Variants in OR6N1 observed in about 807,000 individuals in gnomAD.
OR6N1 encodes olfactory receptor family 6 subfamily N member 1, also known as olfactory receptor 6N1.
For synonymous variants in OR6N1, 170 were observed against 150.7 expected (o/e 1.13, Z -0.94); for missense variants, 394 against 371.7 (o/e 1.06, Z -0.49).
At chr1:158,837,272 G>C in the OR6N1 span, among the ~76,000 whole-genome samples, 6 of 151,646 alleles carry the variant, frequency 4.0e-5, no homozygotes, top group Non-Finnish European at 4.4e-5. Context: ...ATTTTCTTCT[G>C]TCAGATTGTT....
the OR6N1 span, among the ~76,000 whole-genome samples, chr1:158,817,383 C>T: frequency 6.6e-6 from 1 of 152,174 alleles, no homozygotes; most frequent in Non-Finnish European, 1.5e-5. Context: ...TGAACTAAAT[C>T]ATCTCAGAAG....
the OR6N1 span, chr1:158,777,204 C>T: frequency 6.2e-7 from 1 of 1,614,016 alleles, no homozygotes. Context: ...AAGCAGCAGC[C>T]ATCTTGGCAC....
At chr1:158,779,390 G>A in the OR6N1 span, among the ~76,000 whole-genome samples, 1 of 152,080 alleles carries the variant, frequency 6.6e-6, no homozygotes, top group Non-Finnish European at 1.5e-5. Flanking sequence ...CACAATGGCT[G>A]TCACATTAAA....
chr1:158,828,535 T>C, the OR6N1 span, among the ~76,000 whole-genome samples: 1 of 152,200 alleles, frequency 6.6e-6, no homozygotes, highest in South Asian at 2.1e-4. Flanking sequence ...AAGAGGTAGG[T>C]TCCCATAGTC....
At chr1:158,786,485 C>T in the OR6N1 span, among the ~76,000 whole-genome samples, 8,286 of 152,120 alleles carry the variant, frequency 0.054, 271 homozygotes, top group East Asian at 0.14. Context: ...TCCAGCAATC[C>T]CAGTTCTGGG....
the OR6N1 span, among the ~76,000 whole-genome samples, chr1:158,789,239 C>T: frequency 2.0e-5 from 3 of 152,160 alleles, no homozygotes; most frequent in Non-Finnish European, 4.4e-5. Context: ...TCTTAATCCA[C>T]TTATCCACAG....
At chr1:158,783,864 T>G in the OR6N1 span, among the ~76,000 whole-genome samples, 1 of 152,156 alleles carries the variant, frequency 6.6e-6, no homozygotes, top group Non-Finnish European at 1.5e-5. Context: ...CCTAGCACTT[T>G]GGGATGCCAA....
chr1:158,794,291 C>T, the OR6N1 span, among the ~76,000 whole-genome samples: 9 of 152,204 alleles, frequency 5.9e-5, no homozygotes, highest in African/African-American at 1.9e-4. Flanking sequence ...CATTCCCCAA[C>T]TAGCCCAGCA....
chr1:158,787,639 A>T, the OR6N1 span, among the ~76,000 whole-genome samples: 25,105 of 117,338 alleles, frequency 0.21, 2,623 homozygotes, highest in African/African-American at 0.43. Context: ...TCTCTCTCAC[A>T]CACACACACA....
At chr1:158,828,603 A>G in the OR6N1 span, among the ~76,000 whole-genome samples, 1 of 152,300 alleles carries the variant, frequency 6.6e-6, no homozygotes, top group East Asian at 1.9e-4. Context: ...GACTGCCTTC[A>G]CAGGCTGGCA....
the OR6N1 span, among the ~76,000 whole-genome samples, chr1:158,833,107 C>G: frequency 3.3e-5 from 5 of 152,100 alleles, no homozygotes; most frequent in African/African-American, 1.2e-4. Context: ...TCATATAGTT[C>G]CTGTTTTCTT....
chr1:158,790,932 G>T, the OR6N1 span, among the ~76,000 whole-genome samples: 1 of 152,160 alleles, frequency 6.6e-6, no homozygotes, highest in Non-Finnish European at 1.5e-5. Context: ...CCATGTTGAG[G>T]TATGTTCCTT....
At chr1:158,773,036 TA>T (rs1184571392), upstream of OR6N1, among the ~76,000 whole-genome samples, 4 of 151,850 alleles carry the variant, frequency 2.6e-5, no homozygotes, top group Admixed American at 6.6e-5. Flanking sequence ...TGTGATAATG[TA>T]AAAAAAAGTA....
At chr1:158,790,083 T>G in the OR6N1 span, among the ~76,000 whole-genome samples, 1 of 152,242 alleles carries the variant, frequency 6.6e-6, no homozygotes, top group Non-Finnish European at 1.5e-5. Context: ...GCACCATTTA[T>G]GGAAGAGACT....
the OR6N1 span, among the ~76,000 whole-genome samples, chr1:158,785,647 G>A: frequency 6.6e-6 from 1 of 152,146 alleles, no homozygotes; most frequent in South Asian, 2.1e-4. Flanking sequence ...CATAGAGCTA[G>A]GAGAGACATT....
At chr1:158,804,269 G>A in the OR6N1 span, among the ~76,000 whole-genome samples, 4 of 152,166 alleles carry the variant, frequency 2.6e-5, no homozygotes, top group African/African-American at 4.8e-5. Context: ...GGTTCTGCAT[G>A]TGGTTTACTT....
At chr1:158,825,044 G>A in the OR6N1 span, among the ~76,000 whole-genome samples, 16 of 152,114 alleles carry the variant, frequency 1.1e-4, no homozygotes, top group Admixed American at 3.9e-4. Flanking sequence ...TACAGAATGC[G>A]AGAAAATATT....
At chr1:158,804,607 G>T in the OR6N1 span, among the ~76,000 whole-genome samples, 1 of 152,238 alleles carries the variant, frequency 6.6e-6, no homozygotes, top group South Asian at 2.1e-4. Flanking sequence ...CTAAAATTTA[G>T]AAATAAATAG....
the OR6N1 span, chr1:158,777,548 G>A: frequency 1.2e-6 from 2 of 1,613,976 alleles, no homozygotes; most frequent in Admixed American, 1.7e-5. Flanking sequence ...AATAGCAGCA[G>A]GACAAAAAGC....
Sources: allele counts gnomAD v4.1 joint callset (sites outside exome capture counted in the v4.1 genomes callset), GRCh38; gene constraint gnomAD v4.1.1; transcripts MANE v1.5; gene names NCBI Gene and HGNC (gene_info 2026-07-23, HGNC 2026-07-21).